The following SNX29 variants were observed in gnomAD, a reference collection of about 807,000 sequenced individuals.
SNX29 encodes the protein sorting nexin-29.
In SNX29, 78 loss-of-function variants were observed where a neutral mutation model predicts 102.1. The ratio of observed to expected loss-of-function variants is 0.76; its 90% confidence interval spans 0.64 to 0.92. The LOEUF (loss-of-function observed/expected upper bound fraction) is 0.92. Ranked by LOEUF, SNX29 falls within the 40% of genes least tolerant of loss-of-function variation. The probability of loss-of-function intolerance (pLI) is 0.00; values close to 1 mark genes in which losing one functional copy is unlikely to be tolerated. For synonymous variants in SNX29, 580 were observed against 414.5 expected (o/e 1.40, Z -4.85); for missense variants, 1,280 against 1,061.7 (o/e 1.21, Z -2.86).
At chr16:12,064,088 G>A (rs1482531430) in intron 9 of SNX29, among the ~76,000 whole-genome samples, 2 of 152,074 alleles carry the variant, frequency 1.3e-5, no homozygotes, top group African/African-American at 4.8e-5. Context: ...GTTCCCCATG[G>A]AGGGGTCTTG....
At chr16:12,529,033 AAG>A (rs1402502584) in intron 20 of SNX29, among the ~76,000 whole-genome samples, 1 of 152,222 alleles carries the variant, frequency 6.6e-6, no homozygotes, top group East Asian at 1.9e-4. Context: ...TGTGTTCTGT[AAG>A]AGGCATCATG....
At chr16:12,565,983 A>G (rs11646289) in intron 20 of SNX29, among the ~76,000 whole-genome samples, 39,197 of 151,988 alleles carry the variant, frequency 0.26, 5,559 homozygotes, top group East Asian at 0.44. Flanking sequence ...CAAACCTGAG[A>G]CCACTTCTGC....
In SNX29 at chr16:12,549,925, C is replaced by T. The variant is rs181080798; in HGVS notation, c.2319-18581C>T. On this transcript the variant is annotated intron_variant, in intron 20 of 20. Coordinates refer to ENST00000566228, the MANE Select transcript of SNX29 (RefSeq NM_032167.5). Reference sequence around the variant, plus strand: ...TGATGGCCCACAGGCCAAATCTTACCCTCCACCTGTTTTTTATAAGTAAAG... The same window carrying T: ...TGATGGCCCACAGGCCAAATCTTACTCTCCACCTGTTTTTTATAAGTAAAG... Among the ~76,000 whole-genome samples the T allele has an allele frequency of 1.7e-3, 265 of 152,332 alleles. 1 individual carries two copies. Among genetic ancestry groups the T allele is most frequent in the African/African-American group, 6.3e-3 (262 of 41,550 alleles).
intron 8 of SNX29, among the ~76,000 whole-genome samples, chr16:12,059,915 C>T (rs2050699419): frequency 6.6e-6 from 1 of 152,152 alleles, no homozygotes; most frequent in South Asian, 2.1e-4. Flanking sequence ...GTGCTGATGG[C>T]CTTGGACAAG....
At chr16:12,170,032 C>G (rs549973030) in intron 13 of SNX29, among the ~76,000 whole-genome samples, 1 of 152,132 alleles carries the variant, frequency 6.6e-6, no homozygotes, top group Admixed American at 6.5e-5. Context: ...GCTCTCCGTG[C>G]CGACACTTGG....
intron 18 of SNX29, among the ~76,000 whole-genome samples, chr16:12,463,812 AAGTG>A (rs3223444): frequency 8.2e-6 from 1 of 122,488 alleles, no homozygotes; most frequent in Non-Finnish European, 1.8e-5. Context: ...CCACCTCCCG[AAGTG>A]AGTGTGTGTG....
At chr16:12,137,008 G>C (rs148649833) in intron 13 of SNX29, among the ~76,000 whole-genome samples, 1 of 152,302 alleles carries the variant, frequency 6.6e-6, no homozygotes, top group East Asian at 1.9e-4. Flanking sequence ...CCAAAGTGCT[G>C]GTATTACAGG....
chr16:12,532,382 C>G (rs1052539386), intron 20 of SNX29, among the ~76,000 whole-genome samples: 4 of 152,200 alleles, frequency 2.6e-5, no homozygotes, highest in Non-Finnish European at 5.9e-5. Flanking sequence ...CAGCAGCGTT[C>G]ACTTGTGTTT....
At position 12,477,733 on chromosome 16, in the gene SNX29, A is replaced by G. The variant is rs1384260642; in HGVS notation, c.2052A>G (p.Ile684Met). Residue 684 changes from isoleucine to methionine, a missense_variant, in exon 19 of 21, where the codon ATA (isoleucine) becomes ATG (methionine). Transcript: ENST00000566228. ...AFHVYQVYIR[I>M]KDDEWNIYRR... ...TTTCTTGACAGGTCTACATCCGGAT[A>G]AAAGACGATGAATGGAATATTTATC... The G allele has an allele frequency of 5.0e-6, 8 of 1,612,040 alleles. No individual in the cohort carries two copies. Among genetic ancestry groups the G allele is most frequent in the Admixed American group, 1.7e-5 (1 of 59,236 alleles).
chr16:12,538,871 G>A, intron 20 of SNX29, among the ~76,000 whole-genome samples: 1 of 151,462 alleles, frequency 6.6e-6, no homozygotes, highest in South Asian at 2.1e-4. Context: ...CGGTAGATGG[G>A]GCCATTTGTA....
In SNX29 at chr16:12,277,166, T is replaced by A. The variant is rs146247067; in HGVS notation, c.1679-767T>A. Among the ~76,000 whole-genome samples, 750 of 152,196 alleles carry A rather than the reference T, an allele frequency of 4.9e-3. 5 individuals carry two copies. Among genetic ancestry groups the A allele is most frequent in the Middle Eastern group, 0.024 (7 of 294 alleles). On this transcript the variant is annotated intron_variant, in intron 14 of 20. Transcript: ENST00000566228. ...ACTTTGGGAAGCTGAGGAGGGAGGA[T>A]CACTTGAGGCCAGGAGTTTGAGACT...
intron 15 of SNX29, among the ~76,000 whole-genome samples, chr16:12,351,622 TATG>T (rs1266688173): frequency 6.6e-6 from 1 of 152,216 alleles, no homozygotes; most frequent in African/African-American, 2.4e-5. Context: ...GGCAGGTAAT[TATG>T]ATAATTCCTG....
intron 14 of SNX29, among the ~76,000 whole-genome samples, chr16:12,238,600 A>G (rs1403443780): frequency 6.6e-6 from 1 of 152,230 alleles, no homozygotes; most frequent in African/African-American, 2.4e-5. Flanking sequence ...CTGGGATTAC[A>G]GGCTTGAGCC....
intron 11 of SNX29, among the ~76,000 whole-genome samples, chr16:12,115,748 T>C (rs967822503): frequency 3.9e-5 from 6 of 152,222 alleles, no homozygotes; most frequent in Non-Finnish European, 7.3e-5. Flanking sequence ...AACCTGGTCC[T>C]TTGGCGGGTT....
intron 11 of SNX29, 42 bp from the exon 12 acceptor site, chr16:12,126,591 C>A: frequency 1.9e-6 from 3 of 1,605,418 alleles, no homozygotes; most frequent in Non-Finnish European, 8.5e-7. Context: ...CTGTAACAGG[C>A]AAGACCTGCC....
At chr16:12,154,456 C>G (rs1368844946) in intron 13 of SNX29, among the ~76,000 whole-genome samples, 1 of 152,146 alleles carries the variant, frequency 6.6e-6, no homozygotes, top group Admixed American at 6.5e-5. Context: ...ACAGCACTGG[C>G]TGTGGTTCCT....
intron 19 of SNX29, among the ~76,000 whole-genome samples, chr16:12,486,131 G>C (rs186087040): frequency 5.0e-4 from 76 of 152,330 alleles, no homozygotes; most frequent in African/African-American, 1.8e-3. Context: ...CTTAGAGGCT[G>C]CTTGCATTTC....
chr16:12,451,425 C>T lies in SNX29; in HGVS notation c.2038-26294C>T, dbSNP rs187567641. Among the ~76,000 whole-genome samples the T allele has an allele frequency of 2.1e-4, 32 of 152,334 alleles. No homozygotes were observed. In the Middle Eastern group the frequency reaches 0.017, roughly 81 times the overall value. Reference sequence around the variant, plus strand: ...CCGAGTAGGAGCCTCCTCTTGTCCCCAACCATTTAATGATCCGGTGGCTGC... The same window carrying T: ...CCGAGTAGGAGCCTCCTCTTGTCCCTAACCATTTAATGATCCGGTGGCTGC... On this transcript the variant is annotated intron_variant, in intron 18 of 20. Coordinates refer to ENST00000566228, the MANE Select transcript of SNX29 (RefSeq NM_032167.5).
intron 14 of SNX29, among the ~76,000 whole-genome samples, chr16:12,249,285 TG>T (rs1376309334): frequency 1.3e-5 from 2 of 152,218 alleles, no homozygotes; most frequent in African/African-American, 4.8e-5. Flanking sequence ...GGCCGAGTCC[TG>T]CCATTTTCCT....
Sources: gnomAD v4.1 joint callset for allele counts (sites outside exome capture counted in the v4.1 genomes callset) on GRCh38, gnomAD v4.1.1 for gene constraint, MANE v1.5 for transcripts, NCBI Gene and HGNC (gene_info 2026-07-23, HGNC 2026-07-21) for gene names.